L1TD1: variants seen among roughly 807,000 people sequenced by gnomAD.
L1TD1 encodes LINE-1 type transposase domain-containing protein 1.
In L1TD1, 26 loss-of-function variants were observed where a neutral mutation model predicts 25.7. The observed-to-expected ratio is 1.01, with a 90% confidence interval of 0.74 to 1.40. The LOEUF (loss-of-function observed/expected upper bound fraction) is 1.40, where lower values mean the gene tolerates loss of function less well. Ranked by LOEUF, L1TD1 falls within the 40% of genes most tolerant of loss-of-function variation. The probability of loss-of-function intolerance (pLI) is 0.00; values close to 1 mark genes in which losing one functional copy is unlikely to be tolerated. For synonymous variants in L1TD1, 421 were observed against 335.6 expected (o/e 1.25, Z -2.78); for missense variants, 1,130 against 975.0 (o/e 1.16, Z -2.12).
At position 62,205,439 on chromosome 1, in the gene L1TD1, A is replaced by ATTTTTTTTTTTTT. The variant is rs1297750882; in HGVS notation, c.-110-1079_-110-1078insTTTTTTTTTTTTT. Among the ~76,000 whole-genome samples the ATTTTTTTTTTTTT allele has an allele frequency of 1.6e-3, 71 of 44,152 alleles. 2 individuals are homozygous for ATTTTTTTTTTTTT. Among genetic ancestry groups the ATTTTTTTTTTTTT allele is most frequent in the Non-Finnish European group, 1.9e-3 (43 of 23,148 alleles). The allele number at this position is 44,152 out of a possible 152,430, so 29.0% of individuals were successfully genotyped here. On this transcript the variant is annotated intron_variant, in intron 2 of 3. Transcript: ENST00000498273. ...TCTCTATATATATATATATATATAT[A>ATTTTTTTTTTTTT]TATATTTTTTTTTAGACAGTCTTGC... is the stretch of plus-strand genomic sequence containing the variant.
Position 62,211,572 on chromosome 1 carries a change from A to C in L1TD1, c.*200A>C, listed in dbSNP as rs1406009518. 2.5e-6 allele frequency: 2 copies of C among 800,128 alleles called. No homozygotes were observed. Among genetic ancestry groups the C allele is most frequent in the East Asian group, 6.2e-5 (2 of 32,328 alleles). 49.6% of individuals were successfully genotyped at this position (800,128 alleles called of 1,614,324 possible). On this transcript the variant is annotated 3_prime_UTR_variant, in exon 4 of 4. Transcript: ENST00000498273. ...AAAAAAAATAGGCTGGTCTCAATGTAGTGAGTTATTTCAGTTGATCACAGT... is the reference window on the plus strand; with the variant it reads ...AAAAAAAATAGGCTGGTCTCAATGTCGTGAGTTATTTCAGTTGATCACAGT...
intron 2 of L1TD1, among the ~76,000 whole-genome samples, chr1:62,205,851 C>A (rs906168959): frequency 1.3e-5 from 2 of 152,040 alleles, no homozygotes; most frequent in African/African-American, 4.8e-5. Flanking sequence ...TGCATCTGAA[C>A]CTCCCAAGTA....
chr1:62,196,793 A>T (rs996767622), intron 2 of L1TD1, among the ~76,000 whole-genome samples: 4 of 151,942 alleles, frequency 2.6e-5, no homozygotes, highest in African/African-American at 9.7e-5. Context: ...GGGTTTTGCC[A>T]TTCGGCCAGG....
rs1670891020 is a variant in L1TD1, at chr1:62,212,210, C to G, written c.*838C>G. ...TTGAGCCCAAGAGTTCAAGGCCATCCTGGGCAATGTGGCGAAAGTGTCTAC... is the reference window on the plus strand; with the variant it reads ...TTGAGCCCAAGAGTTCAAGGCCATCGTGGGCAATGTGGCGAAAGTGTCTAC... On this transcript the variant is annotated 3_prime_UTR_variant, in exon 4 of 4. Transcript: ENST00000498273. 6.6e-6 allele frequency: 1 copy of G among 152,040 alleles called. No individual in the cohort carries two copies. Among genetic ancestry groups the G allele is most frequent in the South Asian group, 2.1e-4 (1 of 4,814 alleles). The allele number at this position is 152,040 out of a possible 1,614,324, so 9.4% of individuals were successfully genotyped here.
At chr1:62,204,873 C>T (rs1263596838) in intron 2 of L1TD1, among the ~76,000 whole-genome samples, 1 of 152,094 alleles carries the variant, frequency 6.6e-6, no homozygotes, top group Non-Finnish European at 1.5e-5. Context: ...CTCCCTCAGG[C>T]TCAAGTGATC....
chr1:62,209,424 C>T (rs1670814195), intron 3 of L1TD1, among the ~76,000 whole-genome samples: 1 of 151,540 alleles, frequency 6.6e-6, no homozygotes. Context: ...TGCCTATTTA[C>T]CATAGGACTC....
intron 2 of L1TD1, among the ~76,000 whole-genome samples, chr1:62,205,406 TCTC>T (rs1670720687): frequency 2.2e-5 from 1 of 46,218 alleles, no homozygotes; most frequent in South Asian, 8.2e-4. Flanking sequence ...TCTCTCTCTC[TCTC>T]TCTCTCTCTA....
intron 2 of L1TD1, among the ~76,000 whole-genome samples, chr1:62,204,252 G>A (rs950751159): frequency 4.9e-4 from 75 of 151,890 alleles, no homozygotes; most frequent in African/African-American, 1.7e-3. Flanking sequence ...ATCTCTTTTG[G>A]TTTCTTGGGT....
chr1:62,205,600 T>G (rs1670731059), intron 2 of L1TD1, among the ~76,000 whole-genome samples: 1 of 150,604 alleles, frequency 6.6e-6, no homozygotes, highest in Non-Finnish European at 1.5e-5. Flanking sequence ...CCTGGCTAAT[T>G]TTTGTATTTT....
intron 2 of L1TD1, among the ~76,000 whole-genome samples, chr1:62,199,588 C>T (rs1480980226): frequency 6.6e-6 from 1 of 151,940 alleles, no homozygotes; most frequent in Non-Finnish European, 1.5e-5. Flanking sequence ...TTAAGCCAGG[C>T]ATGGTGGTGC....
Position 62,206,761 on chromosome 1 carries a change from TGC to T in L1TD1, c.134_135del (p.Cys45Ter), listed in dbSNP as rs899084343. On this transcript the variant is annotated frameshift_variant, in exon 3 of 4. Transcript: ENST00000498273. LOFTEE classifies it high-confidence loss of function. ...CATAGCTCCGGTATTAGATTTAAAA[TGC>T]AAGGACGTATCAGCAATTATGAATA... ...KDIAPVLDLK[C>X]KDVSAIMNKF... 2 of 1,555,532 alleles carry T rather than the reference TGC, an allele frequency of 1.3e-6. No homozygotes were observed. The highest frequency in any genetic ancestry group is 3.9e-5 in the Admixed American group (2 of 51,166).
chr1:62,194,889 C>T lies in L1TD1; in HGVS notation c.-237C>T, dbSNP rs1241856303. On this transcript the variant is annotated 5_prime_UTR_variant, in exon 1 of 4. Coordinates refer to ENST00000498273, the MANE Select transcript of L1TD1 (RefSeq NM_019079.5). ...GGCTCCATCCTCACTTTGTTCGCTC[C>T]TCAGTCGTCCAGGCGGATTCCTTTT... is the stretch of plus-strand genomic sequence containing the variant. 3 of 152,512 alleles carry T rather than the reference C, an allele frequency of 2.0e-5. No individual in the cohort carries two copies. The highest frequency in any genetic ancestry group is 7.2e-5 in the African/African-American group (3 of 41,476). The allele number at this position is 152,512 out of a possible 1,614,324, so 9.4% of individuals were successfully genotyped here. A position where few individuals can be genotyped will look rare whatever the true frequency, so the allele number is the denominator to read the frequency against.
chr1:62,209,287 G>A (rs1411187057), intron 3 of L1TD1, among the ~76,000 whole-genome samples: 10 of 105,276 alleles, frequency 9.5e-5, no homozygotes, highest in African/African-American at 3.1e-4. Flanking sequence ...TGCAATTGGG[G>A]TCTTTTTTTT....
At chr1:62,199,245 C>T (rs1670597720) in intron 2 of L1TD1, among the ~76,000 whole-genome samples, 1 of 152,158 alleles carries the variant, frequency 6.6e-6, no homozygotes, top group Non-Finnish European at 1.5e-5. Flanking sequence ...TGTTTGTAAT[C>T]TCAGCACTTT....
chr1:62,205,804 T>C (rs1670734347), intron 2 of L1TD1, among the ~76,000 whole-genome samples: 2 of 152,042 alleles, frequency 1.3e-5, no homozygotes, highest in Non-Finnish European at 2.9e-5. Flanking sequence ...CAATCACAGC[T>C]CACTGCAGTC....
Position 62,206,633 on chromosome 1 carries a change from C to A in L1TD1, c.5C>A (p.Ser2Tyr). Reference protein sequence around the residue: MSDVSTSVQSKF... With the variant: MYDVSTSVQSKF... The stretch of plus-strand genomic sequence containing the variant: ...AGTCTTGACAACATATCCACAATGT[C>A]TGATGTATCTACTAGTGTACAATCA... The change falls in exon 3 of 4, where the codon TCT (serine) becomes TAT (tyrosine). Residue 2 changes from serine to tyrosine, a missense_variant. Ser to Tyr is a moderately radical substitution (Grantham distance 144). Coordinates refer to ENST00000498273, the MANE Select transcript of L1TD1 (RefSeq NM_019079.5). 6.6e-7 allele frequency: 1 copy of A among 1,513,206 alleles called. No individual in the cohort carries two copies. Among genetic ancestry groups the A allele is most frequent in the Non-Finnish European group, 8.8e-7 (1 of 1,131,222 alleles). 93.7% of individuals were successfully genotyped at this position (1,513,206 alleles called of 1,614,324 possible).
At chr1:62,202,161 G>A (rs924480502) in intron 2 of L1TD1, among the ~76,000 whole-genome samples, 3 of 152,252 alleles carry the variant, frequency 2.0e-5, no homozygotes, top group South Asian at 2.1e-4. Flanking sequence ...TTAGCCAGGC[G>A]TGGTGGCACA....
Position 62,211,028 on chromosome 1 carries a change from G to A in L1TD1, c.2254G>A (p.Glu752Lys), listed in dbSNP as rs1213480845. ...SACRVPSKID[E>K]KRLTPRHILV... ...TTGTCGAGTACCTAGTAAAATTGAT[G>A]AAAAGAGACTGACTCCTAGACACAT... Residue 752 changes from glutamate to lysine, a missense_variant, in exon 4 of 4, where the codon GAA (glutamate) becomes AAA (lysine). Transcript: ENST00000498273. The A allele has an allele frequency of 1.3e-6, 2 of 1,547,530 alleles. No homozygotes were observed. Among genetic ancestry groups the A allele is most frequent in the Non-Finnish European group, 1.7e-6 (2 of 1,146,098 alleles).
At chr1:62,203,448 G>GTC (rs1670679812) in intron 2 of L1TD1, among the ~76,000 whole-genome samples, 1 of 151,772 alleles carries the variant, frequency 6.6e-6, no homozygotes, top group African/African-American at 2.4e-5. Context: ...TTGAGACAGG[G>GTC]TCTCACTCTG....
Sources: gnomAD v4.1 joint callset for allele counts (sites outside exome capture counted in the v4.1 genomes callset) on GRCh38, gnomAD v4.1.1 for gene constraint, MANE v1.5 for transcripts, NCBI Gene and HGNC (gene_info 2026-07-23, HGNC 2026-07-21) for gene names.